SGO2: variants seen among roughly 807,000 people sequenced by gnomAD.
The protein encoded by SGO2 is shugoshin 2.
SGO2 carries 68 observed loss-of-function variants against 99.5 expected under a neutral mutation model. That is an observed-to-expected ratio of 0.68 (90% CI 0.56 to 0.84). The LOEUF (loss-of-function observed/expected upper bound fraction) is 0.84. Among genes scored for constraint, SGO2 ranks in the 40% least tolerant of loss-of-function variants. The probability of loss-of-function intolerance (pLI) is 0.00; values close to 1 mark genes in which losing one functional copy is unlikely to be tolerated. For missense variants in SGO2, 1,350 were observed against 1,436.7 expected (o/e 0.94, Z 0.97); for synonymous variants, 457 against 487.1 (o/e 0.94, Z 0.81).
At chr2:200,548,848 G>T (rs537118387) in intron 5 of SGO2, among the ~76,000 whole-genome samples, 44 of 152,220 alleles carry the variant, frequency 2.9e-4, no homozygotes, top group Admixed American at 1.9e-3. Flanking sequence ...TGGAAGAAAT[G>T]AATACATTTT....
chr2:200,582,387 T>C (rs1337756030), intron 8 of SGO2, among the ~76,000 whole-genome samples: 1 of 152,094 alleles, frequency 6.6e-6, no homozygotes. Flanking sequence ...AATAGTCTAA[T>C]AGATCTTCTT....
intron 8 of SGO2, among the ~76,000 whole-genome samples, chr2:200,582,382 T>C (rs1006072499): frequency 2.0e-5 from 3 of 152,084 alleles, no homozygotes; most frequent in African/African-American, 4.8e-5. Flanking sequence ...AAATAAATAG[T>C]CTAATAGATC....
intron 5 of SGO2, among the ~76,000 whole-genome samples, chr2:200,568,765 T>C (rs1407902441): frequency 6.6e-6 from 1 of 152,210 alleles, no homozygotes; most frequent in Non-Finnish European, 1.5e-5. Flanking sequence ...CCCCCTTCGC[T>C]AGCTCTCTAC....
At chr2:200,544,110 T>C (rs1559202793) in intron 5 of SGO2, among the ~76,000 whole-genome samples, 1 of 152,208 alleles carries the variant, frequency 6.6e-6, no homozygotes, top group Non-Finnish European at 1.5e-5. Context: ...AATTATACAG[T>C]ATGTATGTTT....
intron 2 of SGO2, 75 bp downstream of exon 2, chr2:200,533,183 T>A: frequency 7.0e-7 from 1 of 1,422,266 alleles, no homozygotes. Context: ...GCTACCTTAT[T>A]TTATCAAGTA....
At chr2:200,552,901 G>T (rs981831917) in intron 5 of SGO2, among the ~76,000 whole-genome samples, 2 of 152,052 alleles carry the variant, frequency 1.3e-5, no homozygotes, top group African/African-American at 4.8e-5. Flanking sequence ...CCCATCCCCT[G>T]TTCAAGACGG....
intron 8 of SGO2, among the ~76,000 whole-genome samples, chr2:200,575,683 T>A (rs2033631111): frequency 6.9e-6 from 1 of 144,992 alleles, no homozygotes; most frequent in Non-Finnish European, 1.6e-5. Context: ...GATTTGCTTT[T>A]GGTTAGTTCC....
chr2:200,532,340 A>G, intron 1 of SGO2: 1 of 959,310 alleles, frequency 1.0e-6, no homozygotes, highest in Non-Finnish European at 1.2e-6. Flanking sequence ...TGGGAAGGAA[A>G]TGGAGGCATG....
rs2033624400 is a variant in SGO2, at chr2:200,575,462, G to GT, written c.3782+2dup. The stretch of plus-strand genomic sequence containing the variant: ...ATTTTAAAGAGCCAAGCCTCAGAGA[G>GT]TAAGTATTTCAAATGATTTTAGTAT... On this transcript the variant is annotated splice_donor_variant, in intron 8 of 8. Coordinates refer to ENST00000357799, the MANE Select transcript of SGO2 (RefSeq NM_152524.6). LOFTEE classifies it high-confidence loss of function. 1 of 1,554,804 alleles carries GT rather than the reference G, an allele frequency of 6.4e-7. No homozygotes were observed. The highest frequency in any genetic ancestry group is 1.4e-5 in the African/African-American group (1 of 72,904).
intron 1 of SGO2, among the ~76,000 whole-genome samples, chr2:200,527,114 A>G (rs1276020328): frequency 6.6e-6 from 1 of 152,176 alleles, no homozygotes; most frequent in East Asian, 1.9e-4. Context: ...CAGTACCCCA[A>G]ATGCCTGGTT....
rs2033385300 is a variant in SGO2 at position 200,570,882 on chromosome 2, C to A, written c.704-168C>A. On this transcript the variant is annotated intron_variant, in intron 6 of 8. Transcript: ENST00000357799. The surrounding 1 kb of genome is among the most constrained non-coding windows in gnomAD (Gnocchi z 4.4). Reference sequence around the variant, plus strand: ...TGTGATTTAGGAGTATTCATCATTTCTAACTTATTTTCTTATAAGCATAGA... The same window carrying A: ...TGTGATTTAGGAGTATTCATCATTTATAACTTATTTTCTTATAAGCATAGA... Among the ~76,000 whole-genome samples, 1 of 151,958 alleles carries A rather than the reference C, an allele frequency of 6.6e-6. No individual in the cohort carries two copies. Among genetic ancestry groups the A allele is most frequent in the African/African-American group, 2.4e-5 (1 of 41,412 alleles).
At chr2:200,567,623 C>G (rs557830215) in intron 5 of SGO2, among the ~76,000 whole-genome samples, 63 of 152,308 alleles carry the variant, frequency 4.1e-4, no homozygotes, top group African/African-American at 1.4e-3. Flanking sequence ...TCTCCACCCC[C>G]CTAGCCCCTA....
In SGO2 at chr2:200,570,565, ATG is replaced by A. The variant is rs1374729038; in HGVS notation, c.704-484_704-483del. Among the ~76,000 whole-genome samples, 1 of 151,176 alleles carries A rather than the reference ATG, an allele frequency of 6.6e-6. No homozygotes were observed. Among genetic ancestry groups the A allele is most frequent in the Non-Finnish European group, 1.5e-5 (1 of 67,714 alleles). On this transcript the variant is annotated intron_variant, in intron 6 of 8. Transcript: ENST00000357799. This position sits in a 1 kb window ranked among gnomAD's most constrained non-coding sequence, Gnocchi z 4.4. ...CACACACATATATACACACATATAT[ATG>A]GTATACATATAATGTATACAGTATA...
intron 8 of SGO2, among the ~76,000 whole-genome samples, chr2:200,581,155 CTG>C (rs1310058978): frequency 1.3e-5 from 2 of 152,078 alleles, no homozygotes; most frequent in Non-Finnish European, 2.9e-5. Flanking sequence ...GCATTTATAA[CTG>C]TGCTGTGATT....
intron 1 of SGO2, among the ~76,000 whole-genome samples, chr2:200,527,058 T>G (rs1425773967): frequency 6.6e-6 from 1 of 152,188 alleles, no homozygotes; most frequent in East Asian, 1.9e-4. Context: ...ACAGTTGTAA[T>G]CACTATCATA....
chr2:200,577,038 T>G (rs559471832), intron 8 of SGO2, among the ~76,000 whole-genome samples: 6 of 152,134 alleles, frequency 3.9e-5, no homozygotes, highest in East Asian at 3.9e-4. Flanking sequence ...AAGTATTGTT[T>G]TTTTTTTTTT....
chr2:200,533,513 A>T, intron 2 of SGO2: 1 of 92,758 alleles, frequency 1.1e-5, no homozygotes, highest in Non-Finnish European at 2.4e-5. Context: ...TATATATATA[A>T]TGTATATGTG....
chr2:200,556,223 C>T (rs945109068), intron 5 of SGO2, among the ~76,000 whole-genome samples: 6 of 152,182 alleles, frequency 3.9e-5, no homozygotes, highest in African/African-American at 1.2e-4. Flanking sequence ...ACCTCAGCCT[C>T]CCAAAGTGCT....
chr2:200,535,751 G>C (rs1236325638), intron 3 of SGO2, among the ~76,000 whole-genome samples: 1 of 151,930 alleles, frequency 6.6e-6, no homozygotes, highest in Admixed American at 6.6e-5. Flanking sequence ...CTGTTCTCTT[G>C]CCATGTGATA....
Sources: gnomAD v4.1 joint callset for allele counts (sites outside exome capture counted in the v4.1 genomes callset) on GRCh38, gnomAD v4.1.1 for gene constraint, Gnocchi (gnomAD v3.1) non-coding constraint, MANE v1.5 for transcripts, NCBI Gene and HGNC (gene_info 2026-07-23, HGNC 2026-07-21) for gene names.